DLGAP2: variants seen among roughly 807,000 people sequenced by gnomAD.
The protein encoded by DLGAP2 is DLG associated protein 2.
In DLGAP2, 26 loss-of-function variants were observed where a neutral mutation model predicts 100.3. That is an observed-to-expected ratio of 0.26 (90% CI 0.19 to 0.36). The LOEUF (loss-of-function observed/expected upper bound fraction) is 0.36, where lower values mean the gene tolerates loss of function less well. DLGAP2 is among the 10% of genes least tolerant of loss of function. DLGAP2 has a pLI of 1.00. For synonymous variants in DLGAP2, 886 were observed against 630.1 expected (o/e 1.41, Z -6.08); for missense variants, 1,858 against 1,453.2 (o/e 1.28, Z -4.53).
Position 1,622,790 on chromosome 8 carries a change from C to G in DLGAP2, c.1443-3950C>G, listed in dbSNP as rs148041178. ...TTTCCATTTCTGACACCTGGGATGCCGCAGGAATTACCACTTAGAGAGATA... is the reference window on the plus strand; with the variant it reads ...TTTCCATTTCTGACACCTGGGATGCGGCAGGAATTACCACTTAGAGAGATA... On this transcript the variant is annotated intron_variant, in intron 6 of 14. Coordinates refer to ENST00000637795, the MANE Select transcript of DLGAP2 (RefSeq NM_001346810.2). 4.2e-3 allele frequency among the ~76,000 whole-genome samples: 639 copies of G among 152,270 alleles called. 2 individuals are homozygous for G. Among genetic ancestry groups the G allele is most frequent in the African/African-American group, 0.015 (611 of 41,572 alleles).
chr8:1,043,392 GTAGGTGGTGGATA>G (rs988799200), intron 2 of DLGAP2, among the ~76,000 whole-genome samples: 13 of 151,688 alleles, frequency 8.6e-5, no homozygotes, highest in South Asian at 8.3e-4. Context: ...GGTGGTGGAC[GTAGGTGGTGGATA>G]TAGGTGGTGG....
intron 1 of DLGAP2, among the ~76,000 whole-genome samples, chr8:793,915 T>G (rs1204516827): frequency 6.6e-6 from 1 of 152,186 alleles, no homozygotes; most frequent in African/African-American, 2.4e-5. Flanking sequence ...AGCTGGGGGC[T>G]CTCCCTCTAT....
At chr8:1,172,027 G>T (rs1459889187) in intron 2 of DLGAP2, among the ~76,000 whole-genome samples, 5 of 152,102 alleles carry the variant, frequency 3.3e-5, no homozygotes, top group Admixed American at 1.3e-4. Flanking sequence ...GGTACTGGTT[G>T]TTCCTTTTCA....
At chr8:776,645 T>C (rs1167115538) in intron 1 of DLGAP2, among the ~76,000 whole-genome samples, 2 of 152,256 alleles carry the variant, frequency 1.3e-5, no homozygotes, top group Admixed American at 6.5e-5. Flanking sequence ...TCAGTTTCCA[T>C]GTAGCTGAGC....
chr8:837,195 G>A (rs890856311), intron 1 of DLGAP2, among the ~76,000 whole-genome samples: 3 of 152,208 alleles, frequency 2.0e-5, no homozygotes, highest in African/African-American at 7.2e-5. Flanking sequence ...CAGGCCTCGG[G>A]ATCTCGCGGG....
At chr8:1,098,577 CGCCGCGACCCACACCAG>C (rs1804468265) in intron 2 of DLGAP2, among the ~76,000 whole-genome samples, 1 of 149,740 alleles carries the variant, frequency 6.7e-6, no homozygotes, top group Non-Finnish European at 1.5e-5. Context: ...CACCCACAGA[CGCCGCGACCCACACCAG>C]GCTCCCGGCC....
chr8:1,489,404 T>A (rs1373615675), intron 3 of DLGAP2, among the ~76,000 whole-genome samples: 1 of 152,120 alleles, frequency 6.6e-6, no homozygotes, highest in East Asian at 1.9e-4. Context: ...AGTGGTGCCA[T>A]TATCTGTGTG....
intron 2 of DLGAP2, among the ~76,000 whole-genome samples, chr8:1,133,391 A>G (rs1444916873): frequency 1.3e-5 from 2 of 152,224 alleles, no homozygotes; most frequent in South Asian, 2.1e-4. Flanking sequence ...TCATAAAATT[A>G]TATTGATCAT....
At chr8:1,577,991 C>T (rs1803063506) in intron 6 of DLGAP2, among the ~76,000 whole-genome samples, 1 of 152,224 alleles carries the variant, frequency 6.6e-6, no homozygotes, top group African/African-American at 2.4e-5. Flanking sequence ...TGGTAAATTA[C>T]GTAGACACTC....
intron 3 of DLGAP2, among the ~76,000 whole-genome samples, chr8:1,336,952 A>G (rs1404086953): frequency 1.3e-5 from 2 of 152,244 alleles, no homozygotes; most frequent in East Asian, 3.8e-4. Flanking sequence ...AGTACAAGTT[A>G]TCCCACCCTA....
intron 1 of DLGAP2, among the ~76,000 whole-genome samples, chr8:857,475 C>G (rs112613497): frequency 0.011 from 1,745 of 152,246 alleles, 23 homozygotes; most frequent in South Asian, 0.051. Flanking sequence ...AAATAATTTT[C>G]AAATTTCAAT....
At chr8:1,025,728 G>A (rs1204312974) in intron 2 of DLGAP2, among the ~76,000 whole-genome samples, 1 of 152,124 alleles carries the variant, frequency 6.6e-6, no homozygotes, top group African/African-American at 2.4e-5. Flanking sequence ...AGAAGCAAAA[G>A]GAACAAATGA....
chr8:1,310,863 T>G (rs1800597540), intron 3 of DLGAP2, among the ~76,000 whole-genome samples: 1 of 152,020 alleles, frequency 6.6e-6, no homozygotes, highest in Non-Finnish European at 1.5e-5. Context: ...GTGACATTAA[T>G]AACAGGAGGA....
At chr8:1,578,627 T>C (rs959291133) in intron 6 of DLGAP2, among the ~76,000 whole-genome samples, 4 of 152,212 alleles carry the variant, frequency 2.6e-5, no homozygotes, top group East Asian at 3.8e-4. Flanking sequence ...AACCATCTTA[T>C]CTTCCTGCTG....
At chr8:1,352,645 G>C (rs909463019) in intron 3 of DLGAP2, among the ~76,000 whole-genome samples, 6 of 152,192 alleles carry the variant, frequency 3.9e-5, no homozygotes, top group African/African-American at 1.4e-4. Flanking sequence ...TTGAGGTAAA[G>C]ACTCGAACCC....
chr8:758,854 C>A (rs1381307856), intron 1 of DLGAP2, among the ~76,000 whole-genome samples: 1 of 152,084 alleles, frequency 6.6e-6, no homozygotes, highest in Non-Finnish European at 1.5e-5. Flanking sequence ...AGTCACCATG[C>A]CCGGCCAAGA....
At chr8:742,710 G>C (rs1820517369) in intron 1 of DLGAP2, among the ~76,000 whole-genome samples, 1 of 151,400 alleles carries the variant, frequency 6.6e-6, no homozygotes, top group East Asian at 1.9e-4. Context: ...GTCTTGCAGT[G>C]TTGCCCAGGC....
In DLGAP2 at chr8:1,121,029, C is replaced by T. The variant is rs185211062; in HGVS notation, c.74-137822C>T. On this transcript the variant is annotated intron_variant, in intron 2 of 14. Transcript: ENST00000637795. ...CTTATCCCTTTAGAACCCCTGGCCA[C>T]GCATCCTTGTCCCTTCAGAACCCAT... Among the ~76,000 whole-genome samples the T allele has an allele frequency of 4.3e-4, 65 of 151,372 alleles. 1 individual carries two copies. Among genetic ancestry groups the T allele is most frequent in the Admixed American group, 2.6e-3 (40 of 15,210 alleles).
intron 4 of DLGAP2, among the ~76,000 whole-genome samples, chr8:1,534,969 T>C (rs763935096): frequency 6.6e-6 from 1 of 152,234 alleles, no homozygotes; most frequent in Non-Finnish European, 1.5e-5. Flanking sequence ...ATTTCCAAGG[T>C]GGCCTTTTGA....
Sources: allele counts gnomAD v4.1 joint callset (sites outside exome capture counted in the v4.1 genomes callset), GRCh38; gene constraint gnomAD v4.1.1; transcripts MANE v1.5; gene names NCBI Gene and HGNC (gene_info 2026-07-23, HGNC 2026-07-21).